Variants in ABLIM1 observed in about 807,000 individuals in gnomAD.
ABLIM1 encodes the protein actin binding LIM protein 1, also known as actin-binding LIM protein 1.
A neutral mutation model predicts 107.0 loss-of-function variants in ABLIM1; 40 were observed. The ratio of observed to expected loss-of-function variants is 0.37; its 90% CI spans 0.29 to 0.49. ABLIM1 has a LOEUF of 0.49. Ranked by LOEUF, ABLIM1 falls within the 20% of genes least tolerant of loss-of-function variation. The pLI is 0.97. For missense variants in ABLIM1, 857 were observed against 1,008.5 expected (o/e 0.85, Z 2.04); for synonymous variants, 357 against 357.3 (o/e 1.00, Z 0.01).
intron 6 of ABLIM1, among the ~76,000 whole-genome samples, chr10:114,506,673 G>T (rs1054425941): frequency 5.9e-5 from 9 of 152,124 alleles, no homozygotes; most frequent in African/African-American, 2.2e-4. Flanking sequence ...AGAAGTATCT[G>T]CCCAGTTTTA....
chr10:114,758,566 C>G (rs1459696461), intron 1 of ABLIM1, among the ~76,000 whole-genome samples: 1 of 152,196 alleles, frequency 6.6e-6, no homozygotes, highest in East Asian at 1.9e-4. Flanking sequence ...TCTGTCCCCT[C>G]CCTCCTTCCC....
At chr10:114,475,081 G>C (rs2056102134) in intron 8 of ABLIM1, among the ~76,000 whole-genome samples, 1 of 152,166 alleles carries the variant, frequency 6.6e-6, no homozygotes, top group Non-Finnish European at 1.5e-5. Context: ...CATGAGAACA[G>C]ACCTAACAGA....
intron 6 of ABLIM1, among the ~76,000 whole-genome samples, chr10:114,509,788 T>G (rs2061605991): frequency 1.3e-5 from 2 of 152,182 alleles, no homozygotes; most frequent in Non-Finnish European, 2.9e-5. Flanking sequence ...CCTGTATTAG[T>G]CCGTTCTCAC....
chr10:114,736,861 A>G (rs1566288227), intron 1 of ABLIM1, among the ~76,000 whole-genome samples: 1 of 152,154 alleles, frequency 6.6e-6, no homozygotes, highest in Non-Finnish European at 1.5e-5. Flanking sequence ...GAAATAAAAA[A>G]CAGGGACAGA....
At chr10:114,499,356 T>C (rs891755055) in intron 6 of ABLIM1, among the ~76,000 whole-genome samples, 6 of 152,242 alleles carry the variant, frequency 3.9e-5, no homozygotes, top group Non-Finnish European at 8.8e-5. Context: ...TTTTGTTTCT[T>C]GTTTTATCTT....
intron 8 of ABLIM1, among the ~76,000 whole-genome samples, chr10:114,478,000 A>T (rs1431259365): frequency 6.6e-6 from 1 of 151,826 alleles, no homozygotes; most frequent in Non-Finnish European, 1.5e-5. Context: ...GGGATTACAG[A>T]CGTGAGCCAT....
chr10:114,569,320 CTT>C (rs200276368), intron 4 of ABLIM1, among the ~76,000 whole-genome samples: 1 of 145,704 alleles, frequency 6.9e-6, no homozygotes. Context: ...TTTTCTTTTT[CTT>C]TTTTTTTTTT....
intron 2 of ABLIM1, among the ~76,000 whole-genome samples, chr10:114,581,252 C>G (rs1400290912): frequency 6.6e-6 from 1 of 152,126 alleles, no homozygotes; most frequent in Non-Finnish European, 1.5e-5. Context: ...AGGAGGGGAA[C>G]AAAGTATGGG....
chr10:114,758,610 C>A (rs1366395374), intron 1 of ABLIM1, among the ~76,000 whole-genome samples: 1 of 152,142 alleles, frequency 6.6e-6, no homozygotes, highest in Non-Finnish European at 1.5e-5. Flanking sequence ...TCTGTTCATT[C>A]CTATTTGGAG....
chr10:114,709,747 T>C (rs2081506702), intron 1 of ABLIM1, among the ~76,000 whole-genome samples: 1 of 152,132 alleles, frequency 6.6e-6, no homozygotes, highest in Admixed American at 6.5e-5. Flanking sequence ...TACAGGTACG[T>C]CAGAACATGT....
intron 1 of ABLIM1, among the ~76,000 whole-genome samples, chr10:114,676,855 C>A (rs1193766253): frequency 1.3e-5 from 2 of 152,166 alleles, no homozygotes; most frequent in African/African-American, 4.8e-5. Context: ...CCTGCCTCAG[C>A]CTCCTGAGTA....
chr10:114,565,177 A>G (rs2070482061), intron 4 of ABLIM1, among the ~76,000 whole-genome samples: 1 of 152,224 alleles, frequency 6.6e-6, no homozygotes, highest in Non-Finnish European at 1.5e-5. Context: ...GAATGTGTCT[A>G]AAGAAGGAGA....
chr10:114,664,248 T>A (rs1223005980), intron 1 of ABLIM1, among the ~76,000 whole-genome samples: 1 of 152,174 alleles, frequency 6.6e-6, no homozygotes, highest in African/African-American at 2.4e-5. Flanking sequence ...CCTTCTCTAC[T>A]CTTTGAGACT....
chr10:114,749,196 C>A (rs2082454478), intron 1 of ABLIM1, among the ~76,000 whole-genome samples: 2 of 152,114 alleles, frequency 1.3e-5, no homozygotes, highest in South Asian at 4.1e-4. Flanking sequence ...CACTTCGCAG[C>A]TTTTCCTTTC....
chr10:114,776,754 C>A, the ABLIM1 span, among the ~76,000 whole-genome samples: 1 of 152,230 alleles, frequency 6.6e-6, no homozygotes, highest in Non-Finnish European at 1.5e-5. Flanking sequence ...GCTTGGACTA[C>A]AAGAATGCCA....
intron 12 of ABLIM1, among the ~76,000 whole-genome samples, chr10:114,463,562 G>A (rs1027917825): frequency 1.5e-5 from 2 of 130,100 alleles, no homozygotes; most frequent in African/African-American, 3.0e-5. Flanking sequence ...GTATTTATAT[G>A]TAAGGGTCAG....
intron 1 of ABLIM1, among the ~76,000 whole-genome samples, chr10:114,603,953 CAAAAAA>C (rs56037072): frequency 1.3e-4 from 17 of 131,322 alleles, no homozygotes; most frequent in Admixed American, 2.3e-4. Flanking sequence ...GACTTTGTCT[CAAAAAA>C]AAAAAAAAAA....
intron 3 of ABLIM1, among the ~76,000 whole-genome samples, chr10:114,571,830 G>C (rs545291430): frequency 9.2e-5 from 14 of 152,156 alleles, no homozygotes; most frequent in African/African-American, 3.4e-4. Context: ...TAAGCAGTGG[G>C]TCTTTCAGTT....
In ABLIM1 at chr10:114,508,463, T is replaced by A. The variant is rs149863450; in HGVS notation, c.895-16585A>T. ...CCTGTAATCCCAACAACTTGGGAGG[T>A]CGAGGCAGGATGATTGCTTGAGGCC... On this transcript the variant is annotated intron_variant, in intron 6 of 22. Transcript: ENST00000533213. 2.0e-5 allele frequency among the ~76,000 whole-genome samples: 3 copies of A among 151,848 alleles called. No homozygotes were observed. The East Asian group carries it at 5.8e-4, about 29-fold the overall frequency.
Sources: gnomAD v4.1 joint callset for allele counts (sites outside exome capture counted in the v4.1 genomes callset) on GRCh38, gnomAD v4.1.1 for gene constraint, MANE v1.5 for transcripts, NCBI Gene and HGNC (gene_info 2026-07-23, HGNC 2026-07-21) for gene names.